Variants in SNAPC3 observed in about 807,000 individuals in gnomAD.
SNAPC3 encodes snRNA-activating protein complex subunit 3.
In SNAPC3, 56 loss-of-function variants were observed where a neutral mutation model predicts 47.7. That is an observed-to-expected ratio of 1.18 (90% confidence interval 0.95 to 1.47). SNAPC3 has a LOEUF of 1.47. Ranked by LOEUF, SNAPC3 falls within the 40% of genes most tolerant of loss-of-function variation. The pLI is 0.00. For synonymous variants in SNAPC3, 235 were observed against 189.9 expected (o/e 1.24, Z -1.95); for missense variants, 665 against 511.3 (o/e 1.30, Z -2.90).
chr9:15,434,365 A>T (rs767412473), intron 3 of SNAPC3, among the ~76,000 whole-genome samples: 1 of 150,026 alleles, frequency 6.7e-6, no homozygotes, highest in Non-Finnish European at 1.5e-5. Context: ...TCTATTCTAG[A>T]TATCTCATGT....
chr9:15,451,273 CATT>C (rs755788764), intron 5 of SNAPC3, 44 bp from the exon 6 acceptor site: 26 of 749,034 alleles, frequency 3.5e-5, no homozygotes, highest in African/African-American at 3.3e-4. Context: ...GCAATTTCAT[CATT>C]GTTAATAGTT....
At chr9:15,437,665 A>C (rs1268771557) in intron 3 of SNAPC3, among the ~76,000 whole-genome samples, 1 of 133,152 alleles carries the variant, frequency 7.5e-6, no homozygotes, top group Admixed American at 7.9e-5. Context: ...AGTGTGGTGT[A>C]TTATATTGAT....
chr9:15,430,104 C>T (rs1376364871), intron 2 of SNAPC3, among the ~76,000 whole-genome samples: 2 of 152,140 alleles, frequency 1.3e-5, no homozygotes, highest in African/African-American at 4.8e-5. Flanking sequence ...TATTAGGTCA[C>T]AAAGGAAACA....
intron 7 of SNAPC3, among the ~76,000 whole-genome samples, chr9:15,457,395 G>T (rs1350971565): frequency 6.6e-6 from 1 of 152,088 alleles, no homozygotes; most frequent in African/African-American, 2.4e-5. Context: ...AGGAGTTTGA[G>T]ACCAGCCTGG....
intron 2 of SNAPC3, among the ~76,000 whole-genome samples, chr9:15,431,421 C>T (rs1051136188): frequency 1.3e-5 from 2 of 152,210 alleles, no homozygotes; most frequent in Non-Finnish European, 2.9e-5. Flanking sequence ...GCCAATCCCT[C>T]ATTATTCCAA....
intron 7 of SNAPC3, 79 bp from the exon 8 acceptor site, chr9:15,457,881 C>A: frequency 1.3e-6 from 1 of 788,612 alleles, no homozygotes. Flanking sequence ...TACTCAGGCA[C>A]AGATATATTT....
In SNAPC3 at chr9:15,444,685, G is replaced by C. The variant is rs2033785473; in HGVS notation, c.561G>C (p.Leu187Phe). 6.3e-7 allele frequency: 1 copy of C among 1,597,238 alleles called. No homozygotes were observed. The highest frequency in any genetic ancestry group is 2.2e-5 in the East Asian group (1 of 44,798). ...AGCTTATCCTATCTGTGAATATCTT[G>C]TACCCTGTTATATTTCATAAGGTAA... ...EGELILSVNI[L>F]YPVIFHKHKE... Residue 187 changes from leucine (L) to phenylalanine (F), a missense_variant, in exon 4 of 9, where the codon TTG (leucine) becomes TTC (phenylalanine). By Grantham distance (22) the Leu-to-Phe change is conservative. Coordinates refer to ENST00000380821, the MANE Select transcript of SNAPC3 (RefSeq NM_001039697.2).
At chr9:15,434,757 C>T (rs536923187) in intron 3 of SNAPC3, among the ~76,000 whole-genome samples, 22 of 152,198 alleles carry the variant, frequency 1.4e-4, no homozygotes, top group African/African-American at 4.3e-4. Flanking sequence ...CATATTGTAA[C>T]GTGTATTAGA....
At chr9:15,465,452 A>G, downstream of SNAPC3, 1 of 1,339,446 alleles carries the variant, frequency 7.5e-7, no homozygotes, top group Non-Finnish European at 1.0e-6. Context: ...TAAAACTTTC[A>G]GCAGTCTATT....
At chr9:15,449,555 A>AT (rs2034217448) in intron 5 of SNAPC3, among the ~76,000 whole-genome samples, 3 of 38,658 alleles carry the variant, frequency 7.8e-5, no homozygotes, top group African/African-American at 3.3e-4. Context: ...ATATATATAT[A>AT]TATATATATT....
At chr9:15,441,266 G>A (rs1370364533) in intron 3 of SNAPC3, among the ~76,000 whole-genome samples, 2 of 150,564 alleles carry the variant, frequency 1.3e-5, no homozygotes, top group Non-Finnish European at 3.0e-5. Context: ...CCCTGAAGTG[G>A]GATGACTGAA....
Position 15,425,452 on chromosome 9 carries a change from A to G in SNAPC3, c.392+1466A>G, listed in dbSNP as rs186267684. Among the ~76,000 whole-genome samples, 1,198 of 152,250 alleles carry G rather than the reference A, an allele frequency of 7.9e-3. 5 individuals carry two copies. Among genetic ancestry groups the G allele is most frequent in the Non-Finnish European group, 0.012 (809 of 67,992 alleles). On this transcript the variant is annotated intron_variant, in intron 2 of 8. Coordinates refer to ENST00000380821, the MANE Select transcript of SNAPC3 (RefSeq NM_001039697.2). ...CAGGCTGGTTTCAACTCCTGACCTC[A>G]TGTGATCTGCCCAACTCGTTCTCCC...
At chr9:15,445,849 T>C (rs1172913761) in intron 4 of SNAPC3, among the ~76,000 whole-genome samples, 2 of 152,066 alleles carry the variant, frequency 1.3e-5, no homozygotes, top group Non-Finnish European at 1.5e-5. Flanking sequence ...CTAAGGAGGA[T>C]TGCTTGAGCC....
At chr9:15,459,402 G>A (rs565498461) in intron 8 of SNAPC3, among the ~76,000 whole-genome samples, 2 of 152,214 alleles carry the variant, frequency 1.3e-5, no homozygotes, top group South Asian at 2.1e-4. Flanking sequence ...GACTATATTC[G>A]TACTTGGAGG....
intron 2 of SNAPC3, among the ~76,000 whole-genome samples, chr9:15,427,447 C>G (rs1178721391): frequency 1.3e-5 from 2 of 152,202 alleles, no homozygotes; most frequent in Non-Finnish European, 2.9e-5. Context: ...CTCCTGGGCT[C>G]AAGTGATTCT....
At chr9:15,445,141 G>A (rs1050429989) in intron 4 of SNAPC3, among the ~76,000 whole-genome samples, 8 of 152,112 alleles carry the variant, frequency 5.3e-5, no homozygotes, top group African/African-American at 1.7e-4. Context: ...TTTTAGAGTT[G>A]ACAATCTATA....
downstream of SNAPC3, chr9:15,461,634 G>C (rs1043190253): frequency 2.0e-5 from 3 of 152,190 alleles, no homozygotes; most frequent in Admixed American, 6.5e-5. Context: ...CTCCTAGGTT[G>C]TATTTAAATT....
chr9:15,435,844 C>CTTTTTTTT (rs57744583), intron 3 of SNAPC3, among the ~76,000 whole-genome samples: 15 of 123,814 alleles, frequency 1.2e-4, no homozygotes, highest in East Asian at 4.7e-4. Flanking sequence ...ACTTTTCTTT[C>CTTTTTTTT]TTTTTTTTTT....
At chr9:15,453,234 T>C in intron 7 of SNAPC3, 29 bp downstream of exon 7, 1 of 1,536,084 alleles carries the variant, frequency 6.5e-7, no homozygotes, top group Non-Finnish European at 8.8e-7. Flanking sequence ...GACATTTTGT[T>C]ACCTTTTTTT....
Sources: allele counts gnomAD v4.1 joint callset (sites outside exome capture counted in the v4.1 genomes callset), GRCh38; gene constraint gnomAD v4.1.1; transcripts MANE v1.5; gene names NCBI Gene and HGNC (gene_info 2026-07-23, HGNC 2026-07-21).